AMOT: variants seen among roughly 807,000 people sequenced by gnomAD.
The protein encoded by AMOT is angiomotin.
A neutral mutation model predicts 67.0 loss-of-function variants in AMOT; 11 were observed. The ratio of observed to expected loss-of-function variants is 0.16; its 90% CI spans 0.10 to 0.27. The LOEUF (loss-of-function observed/expected upper bound fraction) is 0.27. Ranked by LOEUF, AMOT falls within the 10% of genes least tolerant of loss-of-function variation. AMOT has a pLI of 1.00. For missense variants in AMOT, 753 were observed against 852.0 expected, an observed-to-expected ratio of 0.88 and a Z score of 1.45; for synonymous variants, 326 against 321.4, an observed-to-expected ratio of 1.01 and a Z score of -0.15.
chrX:112,800,216 G>T (rs889532766), intron 8 of AMOT, among the ~76,000 whole-genome samples: 1 of 110,016 alleles, frequency 9.1e-6, no homozygotes, highest in African/African-American at 3.3e-5. Flanking sequence ...GGGTGACAAA[G>T]CGAGACTGCA....
At chrX:112,778,710 A>C in intron 13 of AMOT, 46 bp from the exon 14 acceptor site, 1 of 1,091,660 alleles carries the variant, frequency 9.2e-7, no homozygotes, top group Non-Finnish European at 1.2e-6. Context: ...TGAAGAAAAA[A>C]CCCATATTTC....
At chrX:112,806,138 C>T (rs991223716) in intron 7 of AMOT, among the ~76,000 whole-genome samples, 1 of 108,243 alleles carries the variant, frequency 9.2e-6, no homozygotes, top group Non-Finnish European at 1.9e-5. Flanking sequence ...TGGTGGCACA[C>T]GACTGTAATC....
chrX:112,799,325 A>G (rs1569396531), intron 8 of AMOT, among the ~76,000 whole-genome samples: 2 of 112,230 alleles, frequency 1.8e-5, no homozygotes, highest in Admixed American at 9.5e-5. Context: ...CAGTAGGCAG[A>G]AAGGACAGAC....
chrX:112,781,419 G>A (rs1933164237), intron 11 of AMOT, among the ~76,000 whole-genome samples: 1 of 84,394 alleles, frequency 1.2e-5, no homozygotes, highest in Non-Finnish European at 2.1e-5. Context: ...CAGCCTGGGT[G>A]ACAGAGCAAG....
chrX:112,784,986 C>A lies in AMOT; in HGVS notation c.2118-2324G>T, dbSNP rs965486819. 7.2e-5 allele frequency among the ~76,000 whole-genome samples: 8 copies of A among 111,888 alleles called. 1 individual carries two copies. Among genetic ancestry groups the A allele is most frequent in the Non-Finnish European group, 1.3e-4 (7 of 53,151 alleles). On this transcript the variant is annotated intron_variant, in intron 10 of 13. Transcript: ENST00000371959. Reference sequence around the variant, plus strand: ...GAATGGAGCCTGAAAATGTGGGGCACTTAGTGAATTCCGACAGGGCTGCCA... The same window carrying A: ...GAATGGAGCCTGAAAATGTGGGGCAATTAGTGAATTCCGACAGGGCTGCCA...
intron 7 of AMOT, among the ~76,000 whole-genome samples, chrX:112,806,731 A>G (rs1164910571): frequency 8.9e-6 from 1 of 112,069 alleles, no homozygotes; most frequent in Non-Finnish European, 1.9e-5. Context: ...ACTTTGGTCC[A>G]TACACTATTC....
rs1934511836 is a variant in AMOT, at chrX:112,815,420, C to T, written c.1330G>A (p.Glu444Lys). Residue 444 changes from glutamate (E) to lysine (K), a missense_variant, in exon 5 of 14, where the codon GAG (glutamate) becomes AAG (lysine). Glu to Lys is a moderately conservative substitution (Grantham distance 56). Around this residue, in one of 5 missense-constraint regions of AMOT, gnomAD observed 297 missense variants for 284.3 expected, o/e 1.04. Coordinates refer to ENST00000371959, the MANE Select transcript of AMOT (RefSeq NM_001113490.2). Reference protein sequence around the residue: ...AQQMVEILSDENRNLRQELEG... With the variant: ...AQQMVEILSDKNRNLRQELEG... ...AACTCTTGCCTCAAGTTCCGGTTCT[C>T]GTCTGAGAGGATCTCAACCATCTGC... The T allele has an allele frequency of 1.7e-6, 2 of 1,211,890 alleles. No individual in the cohort carries two copies. Among genetic ancestry groups the T allele is most frequent in the Non-Finnish European group, 2.2e-6 (2 of 895,579 alleles).
intron 5 of AMOT, among the ~76,000 whole-genome samples, chrX:112,811,872 A>C (rs904555333): frequency 9.0e-6 from 1 of 111,658 alleles, no homozygotes; most frequent in African/African-American, 3.3e-5. Flanking sequence ...CTGAAGATCA[A>C]CTGTCAGCAG....
intron 4 of AMOT, among the ~76,000 whole-genome samples, chrX:112,818,626 C>T (rs1334363307): frequency 9.0e-6 from 1 of 111,146 alleles, no homozygotes; most frequent in South Asian, 3.9e-4. Flanking sequence ...GAAAGCAGGA[C>T]GGAATGAACA....
intron 8 of AMOT, among the ~76,000 whole-genome samples, chrX:112,797,194 G>A (rs1425113053): frequency 9.0e-6 from 1 of 111,365 alleles, no homozygotes; most frequent in Non-Finnish European, 1.9e-5. Flanking sequence ...AATTTTTCCA[G>A]TCTCAGAATC....
chrX:112,816,925 T>A (rs1025838122), intron 4 of AMOT, among the ~76,000 whole-genome samples: 3 of 112,304 alleles, frequency 2.7e-5, no homozygotes, highest in Non-Finnish European at 5.6e-5. Flanking sequence ...ACCTAATGAC[T>A]ATTAGCCATT....
Position 112,822,149 on chromosome X carries a change from G to A in AMOT, c.872+106C>T, listed in dbSNP as rs1313721254. On this transcript the variant is annotated intron_variant, in intron 4 of 13. Coordinates refer to ENST00000371959, the MANE Select transcript of AMOT (RefSeq NM_001113490.2). ...CCAGAGGCCTGTCATGCATTGCAGA[G>A]TTTGTTATATCAAACACCTGCCCGT... 3.0e-6 allele frequency: 3 copies of A among 1,002,662 alleles called. No individual in the cohort carries two copies. In the African/African-American group the frequency reaches 5.8e-5, roughly 19 times the overall value. 82.6% of individuals were successfully genotyped at this position (1,002,662 alleles called of 1,213,427 possible). A position where few individuals can be genotyped will look rare whatever the true frequency, so the allele number is the denominator to read the frequency against.
Position 112,776,841 on chromosome X carries a change from A to T in AMOT, c.*1726T>A, listed in dbSNP as rs1342632334. 1 of 112,154 alleles carries T rather than the reference A, an allele frequency of 8.9e-6. No individual in the cohort carries two copies. 9.2% of individuals were successfully genotyped at this position (112,154 alleles called of 1,213,427 possible). A position where few individuals can be genotyped will look rare whatever the true frequency, so the allele number is the denominator to read the frequency against. ...ACTCCAACCAGGTACATTTTACAAG[A>T]TACATATTCCCTGGACCATGAAGAT... On this transcript the variant is annotated 3_prime_UTR_variant, in exon 14 of 14. Coordinates refer to ENST00000371959, the MANE Select transcript of AMOT (RefSeq NM_001113490.2).
At chrX:112,778,922 A>G in intron 13 of AMOT, 75 bp downstream of exon 13, 1 of 1,020,954 alleles carries the variant, frequency 9.8e-7, no homozygotes, top group African/African-American at 1.9e-5. Flanking sequence ...CTGCCCAGAC[A>G]TCAGACAACA....
chrX:112,799,107 G>A (rs995177687), intron 8 of AMOT, among the ~76,000 whole-genome samples: 1 of 112,119 alleles, frequency 8.9e-6, no homozygotes, highest in Admixed American at 9.5e-5. Context: ...TTATTCACTA[G>A]TGGACAAAGA....
intron 10 of AMOT, among the ~76,000 whole-genome samples, chrX:112,783,048 G>A (rs1307755420): frequency 9.0e-6 from 1 of 110,626 alleles, no homozygotes; most frequent in African/African-American, 3.3e-5. Flanking sequence ...TAATCCTAAC[G>A]CTTTGGAAGG....
chrX:112,823,771 TA>T lies in AMOT; in HGVS notation c.-62-584del, dbSNP rs1175759560. On this transcript the variant is annotated intron_variant, in intron 3 of 13. Transcript: ENST00000371959. ...CTCATAAGGCTCTGAAACATCTTTT[TA>T]AAAAATCATTTTCATAGTCTCCATT... 4.5e-5 allele frequency among the ~76,000 whole-genome samples: 5 copies of T among 112,314 alleles called. No individual in the cohort carries two copies. In the East Asian group the frequency reaches 1.4e-3, roughly 32 times the overall value.
chrX:112,778,463 C>A lies in AMOT; in HGVS notation c.*104G>T. The A allele has an allele frequency of 1.4e-6, 1 of 723,408 alleles. No individual in the cohort carries two copies. The highest frequency in any genetic ancestry group is 3.1e-5 in the South Asian group (1 of 32,393). 59.6% of individuals were successfully genotyped at this position (723,408 alleles called of 1,213,427 possible). A position where few individuals can be genotyped will look rare whatever the true frequency, so the allele number is the denominator to read the frequency against. On this transcript the variant is annotated 3_prime_UTR_variant, in exon 14 of 14. Transcript: ENST00000371959. ...TAAAAAGTCCTGTTAAAAAACATCCCCTCCCCACAACCCTTGTCCTCACCC... is the reference window on the plus strand; with the variant it reads ...TAAAAAGTCCTGTTAAAAAACATCCACTCCCCACAACCCTTGTCCTCACCC...
intron 7 of AMOT, 29 bp from the exon 8 acceptor site, chrX:112,805,121 C>T (rs1934132864): frequency 1.7e-6 from 2 of 1,208,719 alleles, no homozygotes; most frequent in Non-Finnish European, 2.2e-6. Context: ...TCAACACTGC[C>T]AGCCTGGAGC....
Sources: allele counts gnomAD v4.1 joint callset (sites outside exome capture counted in the v4.1 genomes callset), GRCh38; gene constraint gnomAD v4.1.1; regional missense constraint gnomAD v4.1.1; transcripts MANE v1.5; gene names NCBI Gene and HGNC (gene_info 2026-07-23, HGNC 2026-07-21).